Variants in LRRC1 observed in about 807,000 individuals in gnomAD.
LRRC1 encodes leucine-rich repeat-containing protein 1.
Under a neutral mutation model 69.9 loss-of-function variants are expected in LRRC1, and 28 were observed. The observed-to-expected ratio is 0.40, with a 90% CI of 0.30 to 0.55. The LOEUF is 0.55. LRRC1 is among the 20% of genes least tolerant of loss of function. The probability of loss-of-function intolerance (pLI) is 0.47; values close to 1 mark genes in which losing one functional copy is unlikely to be tolerated. For missense variants in LRRC1, 498 were observed against 609.0 expected (o/e 0.82, Z 1.92); for synonymous variants, 236 against 240.2 (o/e 0.98, Z 0.16).
At chr6:53,911,637 G>A (rs766193901) in intron 10 of LRRC1, among the ~76,000 whole-genome samples, 2 of 152,226 alleles carry the variant, frequency 1.3e-5, no homozygotes, top group Non-Finnish European at 2.9e-5. Flanking sequence ...TGCTGACTTG[G>A]AAGCTCTCCT....
chr6:53,919,699 A>C lies in LRRC1; in HGVS notation c.1279+29A>C, dbSNP rs765025724. ...AATTTAATTTAAGGACAGTATTCAC[A>C]GGGCCACGAGATTGAGTAGGACCTA... On this transcript the variant is annotated intron_variant, in intron 12 of 13. Coordinates refer to ENST00000370888, the MANE Select transcript of LRRC1 (RefSeq NM_018214.5). The C allele has an allele frequency of 3.1e-6, 5 of 1,596,548 alleles. No homozygotes were observed. The Admixed American group carries it at 6.8e-5, about 22-fold the overall frequency.
intron 2 of LRRC1, among the ~76,000 whole-genome samples, chr6:53,863,478 A>G (rs112024398): frequency 6.6e-6 from 1 of 152,148 alleles, no homozygotes; most frequent in Non-Finnish European, 1.5e-5. Context: ...CTCCACGTAG[A>G]TAGGTCTCTG....
intron 1 of LRRC1, 62 bp downstream of exon 1, chr6:53,795,477 CCT>C: frequency 6.7e-7 from 1 of 1,495,882 alleles, no homozygotes; most frequent in Non-Finnish European, 8.9e-7. Flanking sequence ...CCGCTCCCAT[CCT>C]CTCTCGTCCC....
chr6:53,795,280 G>T lies in LRRC1; in HGVS notation c.24G>T (p.Trp8Cys). MFHCIPLWRCNRHVESID... is the reference protein window; with the variant it reads MFHCIPLCRCNRHVESID... ...CGATGTTCCACTGCATCCCCCTGTG[G>T]CGGTGCAACCGTCATGTGGAGAGCA... Residue 8 changes from tryptophan (W) to cysteine (C), a missense_variant, in exon 1 of 14, where the codon TGG becomes TGT. This residue lies in a region of LRRC1 where 70 missense variants were observed against 62.1 expected (regional missense o/e 1.13). Coordinates refer to ENST00000370888, the MANE Select transcript of LRRC1 (RefSeq NM_018214.5). 1 of 1,611,878 alleles carries T rather than the reference G, an allele frequency of 6.2e-7. No homozygotes were observed. Among genetic ancestry groups the T allele is most frequent in the Non-Finnish European group, 8.5e-7 (1 of 1,179,730 alleles).
At chr6:53,853,510 C>G (rs1036147611) in intron 2 of LRRC1, among the ~76,000 whole-genome samples, 7 of 152,054 alleles carry the variant, frequency 4.6e-5, no homozygotes, top group African/African-American at 1.7e-4. Flanking sequence ...GTCTTCAACT[C>G]CTGACCTCAG....
chr6:53,883,697 G>A (rs1005704843), intron 4 of LRRC1, among the ~76,000 whole-genome samples: 5 of 152,272 alleles, frequency 3.3e-5, no homozygotes, highest in African/African-American at 1.2e-4. Context: ...GTAGCTCATG[G>A]TTAACCACTT....
chr6:53,908,165 A>G (rs913420746), intron 10 of LRRC1, among the ~76,000 whole-genome samples: 1 of 152,220 alleles, frequency 6.6e-6, no homozygotes, highest in African/African-American at 2.4e-5. Context: ...TGTGAGCATG[A>G]GTATGATGAA....
At chr6:53,832,554 A>T (rs899058123) in intron 1 of LRRC1, among the ~76,000 whole-genome samples, 2 of 152,238 alleles carry the variant, frequency 1.3e-5, no homozygotes, top group African/African-American at 4.8e-5. Flanking sequence ...AATATAAAAA[A>T]CACTGTAATA....
chr6:53,850,944 G>A (rs1044473568), intron 2 of LRRC1, among the ~76,000 whole-genome samples: 6 of 152,126 alleles, frequency 3.9e-5, no homozygotes, highest in African/African-American at 1.4e-4. Context: ...ACAAGGTAGT[G>A]TACACCATTT....
intron 2 of LRRC1, among the ~76,000 whole-genome samples, chr6:53,866,632 C>T (rs1189206029): frequency 6.6e-6 from 1 of 152,114 alleles, no homozygotes; most frequent in Non-Finnish European, 1.5e-5. Flanking sequence ...GAAGATTTAA[C>T]TGAAAATGTA....
At chr6:53,884,384 G>A (rs1419517277) in intron 4 of LRRC1, among the ~76,000 whole-genome samples, 1 of 152,110 alleles carries the variant, frequency 6.6e-6, no homozygotes, top group African/African-American at 2.4e-5. Flanking sequence ...GCCCAAACCT[G>A]TAGTCCCAGC....
chr6:53,829,145 C>T (rs1765355423), intron 1 of LRRC1, among the ~76,000 whole-genome samples: 1 of 152,192 alleles, frequency 6.6e-6, no homozygotes, highest in Non-Finnish European at 1.5e-5. Flanking sequence ...CTTTGCCTTG[C>T]TCTTTATAGT....
At chr6:53,836,513 C>G (rs1427409061) in intron 1 of LRRC1, among the ~76,000 whole-genome samples, 1 of 152,106 alleles carries the variant, frequency 6.6e-6, no homozygotes, top group Admixed American at 6.5e-5. Flanking sequence ...GTCGCTTCTC[C>G]CTCCTCCTCT....
At chr6:53,842,689 C>A (rs560123668) in intron 2 of LRRC1, among the ~76,000 whole-genome samples, 1 of 152,240 alleles carries the variant, frequency 6.6e-6, no homozygotes, top group Admixed American at 6.5e-5. Context: ...GCAAGGGAAA[C>A]CTGCCCTGGG....
intron 1 of LRRC1, among the ~76,000 whole-genome samples, chr6:53,809,881 AG>A (rs2127405149): frequency 6.6e-6 from 1 of 152,348 alleles, no homozygotes; most frequent in Admixed American, 6.5e-5. Context: ...GCCTGAAGGT[AG>A]GGGCAGTGCT....
At chr6:53,844,230 G>A (rs1466096465) in intron 2 of LRRC1, among the ~76,000 whole-genome samples, 1 of 139,276 alleles carries the variant, frequency 7.2e-6, no homozygotes, top group African/African-American at 2.6e-5. Context: ...AGAATGACTA[G>A]CTATTAACTC....
chr6:53,834,834 C>T (rs1581862117), intron 1 of LRRC1, among the ~76,000 whole-genome samples: 2 of 152,262 alleles, frequency 1.3e-5, no homozygotes, highest in Admixed American at 6.5e-5. Context: ...TGGTGGCACA[C>T]ACCGGTAGTC....
intron 1 of LRRC1, among the ~76,000 whole-genome samples, chr6:53,808,482 C>T (rs2127404672): frequency 6.6e-6 from 1 of 152,218 alleles, no homozygotes; most frequent in South Asian, 2.1e-4. Flanking sequence ...ATTTTATGAG[C>T]AATGTGCCTC....
chr6:53,861,050 G>A (rs1300255060), intron 2 of LRRC1, among the ~76,000 whole-genome samples: 1 of 152,012 alleles, frequency 6.6e-6, no homozygotes, highest in East Asian at 1.9e-4. Context: ...GTGAGAGAAG[G>A]GTTGAGGATT....
Sources: allele counts gnomAD v4.1 joint callset (sites outside exome capture counted in the v4.1 genomes callset), GRCh38; gene constraint gnomAD v4.1.1; regional missense constraint gnomAD v4.1.1; transcripts MANE v1.5; gene names NCBI Gene and HGNC (gene_info 2026-07-23, HGNC 2026-07-21).